CYP7B1: variants seen among roughly 807,000 people sequenced by gnomAD.
CYP7B1 encodes cytochrome P450 7B1.
In CYP7B1, 29 loss-of-function variants were observed where a neutral mutation model predicts 42.7. The observed-to-expected ratio is 0.68, with a 90% CI of 0.51 to 0.93. CYP7B1 has a LOEUF of 0.93. Ranked by LOEUF, CYP7B1 falls within the 40% of genes least tolerant of loss-of-function variation. The probability of loss-of-function intolerance (pLI) is 0.00; values close to 1 mark genes in which losing one functional copy is unlikely to be tolerated. For missense variants in CYP7B1, 655 were observed against 600.5 expected, an observed-to-expected ratio of 1.09 and a Z score of -0.95; for synonymous variants, 235 against 218.2, an observed-to-expected ratio of 1.08 and a Z score of -0.68.
chr8:64,624,090 A>G (rs1159511367), intron 2 of CYP7B1, among the ~76,000 whole-genome samples: 1 of 152,070 alleles, frequency 6.6e-6, no homozygotes, highest in Non-Finnish European at 1.5e-5. Flanking sequence ...TAAAAAATAC[A>G]TTCTAGCTTT....
intron 1 of CYP7B1, among the ~76,000 whole-genome samples, chr8:64,774,481 T>C (rs1167908620): frequency 6.6e-6 from 1 of 152,194 alleles, no homozygotes; most frequent in Non-Finnish European, 1.5e-5. Flanking sequence ...TTGTTACTAG[T>C]AGCCTTAACT....
intron 1 of CYP7B1, among the ~76,000 whole-genome samples, chr8:64,668,989 T>C (rs1806324445): frequency 1.3e-5 from 2 of 152,140 alleles, no homozygotes; most frequent in South Asian, 4.1e-4. Flanking sequence ...ACAGACAGCA[T>C]AACGGTAACT....
chr8:64,677,289 A>C (rs1464785888), intron 1 of CYP7B1, among the ~76,000 whole-genome samples: 1 of 151,936 alleles, frequency 6.6e-6, no homozygotes, highest in Non-Finnish European at 1.5e-5. Context: ...CGGAAAAAAA[A>C]CCCTAAACCT....
At chr8:64,630,227 C>G (rs1050450458) in intron 1 of CYP7B1, among the ~76,000 whole-genome samples, 4 of 152,154 alleles carry the variant, frequency 2.6e-5, no homozygotes, top group Non-Finnish European at 1.5e-5. Context: ...AGTGGCCAGA[C>G]TATTGTCACT....
intron 2 of CYP7B1, among the ~76,000 whole-genome samples, chr8:64,618,262 G>A (rs1805475722): frequency 6.6e-6 from 1 of 151,682 alleles, no homozygotes; most frequent in Non-Finnish European, 1.5e-5. Flanking sequence ...TTTCACAGGT[G>A]GTGATTCATA....
At chr8:64,796,723 T>C (rs553524185) in intron 1 of CYP7B1, among the ~76,000 whole-genome samples, 3 of 152,160 alleles carry the variant, frequency 2.0e-5, no homozygotes, top group Non-Finnish European at 2.9e-5. Context: ...TAAACTGACA[T>C]AGGAAGGGAT....
At chr8:64,616,307 A>G (rs769526937) in intron 2 of CYP7B1, 26 bp from the exon 3 acceptor site, 8 of 1,385,864 alleles carry the variant, frequency 5.8e-6, no homozygotes, top group Non-Finnish European at 8.0e-6. Flanking sequence ...GAGAGAGAAA[A>G]TATGAGTTCG....
intron 1 of CYP7B1, among the ~76,000 whole-genome samples, chr8:64,720,819 C>T (rs370006205): frequency 6.6e-6 from 1 of 152,122 alleles, no homozygotes; most frequent in Non-Finnish European, 1.5e-5. Context: ...TAATAACTAG[C>T]ATAATGGTCT....
At chr8:64,651,870 A>G (rs1222767058) in intron 1 of CYP7B1, among the ~76,000 whole-genome samples, 1 of 152,218 alleles carries the variant, frequency 6.6e-6, no homozygotes, top group Non-Finnish European at 1.5e-5. Context: ...ATGCTGTTAT[A>G]ATAGCCTGAA....
intron 1 of CYP7B1, among the ~76,000 whole-genome samples, chr8:64,681,336 G>T (rs1383344755): frequency 6.6e-6 from 1 of 152,130 alleles, no homozygotes; most frequent in East Asian, 1.9e-4. Flanking sequence ...ATAAGTAGTG[G>T]TGGGGGGAGG....
At chr8:64,649,257 T>G (rs1051469689) in intron 1 of CYP7B1, among the ~76,000 whole-genome samples, 4 of 152,208 alleles carry the variant, frequency 2.6e-5, no homozygotes, top group Non-Finnish European at 5.9e-5. Context: ...TTACCTTCTG[T>G]TTCTATCATA....
rs760974753 is a variant in CYP7B1, at chr8:64,596,952, A to C, written c.1234-23T>G. The C allele has an allele frequency of 3.2e-6, 5 of 1,578,908 alleles. No individual in the cohort carries two copies. The East Asian group carries it at 1.1e-4, about 35-fold the overall frequency. ...CTCCTGTAAGGAAGAATAGTGTTAA[A>C]ATTAACATTTTATATGAAATAGTTT... On this transcript the variant is annotated intron_variant, in intron 5 of 5. Coordinates refer to ENST00000310193, the MANE Select transcript of CYP7B1 (RefSeq NM_004820.5).
chr8:64,712,250 A>G (rs1807091766), intron 1 of CYP7B1, among the ~76,000 whole-genome samples: 1 of 152,200 alleles, frequency 6.6e-6, no homozygotes, highest in South Asian at 2.1e-4. Context: ...CTTCACAGAC[A>G]AAATTATAGA....
intron 1 of CYP7B1, among the ~76,000 whole-genome samples, chr8:64,744,899 C>T (rs1034099449): frequency 2.0e-5 from 3 of 152,064 alleles, no homozygotes; most frequent in African/African-American, 4.8e-5. Context: ...GGCTTTATAG[C>T]GTAATGACAG....
At chr8:64,669,519 A>C (rs912150180) in intron 1 of CYP7B1, among the ~76,000 whole-genome samples, 2 of 152,208 alleles carry the variant, frequency 1.3e-5, no homozygotes, top group Non-Finnish European at 2.9e-5. Context: ...TTTTACAGCA[A>C]GAGACACCCT....
intron 1 of CYP7B1, among the ~76,000 whole-genome samples, chr8:64,628,838 A>G (rs1227361106): frequency 6.6e-6 from 1 of 152,150 alleles, no homozygotes; most frequent in Non-Finnish European, 1.5e-5. Context: ...ATTTCCCATA[A>G]TATTTGAAGT....
intron 1 of CYP7B1, among the ~76,000 whole-genome samples, chr8:64,646,288 G>A (rs960306408): frequency 1.7e-4 from 26 of 151,968 alleles, no homozygotes; most frequent in African/African-American, 5.1e-4. Flanking sequence ...GAAAATTTTC[G>A]CAACCTACTC....
chr8:64,668,294 C>G (rs1342840442), intron 1 of CYP7B1, among the ~76,000 whole-genome samples: 1 of 152,094 alleles, frequency 6.6e-6, no homozygotes, highest in African/African-American at 2.4e-5. Context: ...GACCATCTAT[C>G]AAAAATAAGC....
chr8:64,744,351 C>T (rs1178298350), intron 1 of CYP7B1, among the ~76,000 whole-genome samples: 1 of 149,114 alleles, frequency 6.7e-6, no homozygotes, highest in Non-Finnish European at 1.5e-5. Context: ...AAAAGAATCT[C>T]TTTTTTTTTT....
Sources: allele counts gnomAD v4.1 joint callset (sites outside exome capture counted in the v4.1 genomes callset), GRCh38; gene constraint gnomAD v4.1.1; transcripts MANE v1.5; gene names NCBI Gene and HGNC (gene_info 2026-07-23, HGNC 2026-07-21).